MAP9: variants seen among roughly 807,000 people sequenced by gnomAD.
MAP9 encodes microtubule associated protein 9.
Under a neutral mutation model 75.2 loss-of-function variants are expected in MAP9, and 80 were observed. That is an observed-to-expected ratio of 1.06 (90% CI 0.89 to 1.28). The LOEUF is 1.28. Ranked by LOEUF, MAP9 falls within the 50% of genes most tolerant of loss-of-function variation. MAP9 has a pLI of 0.00. For missense variants in MAP9, 753 were observed against 719.9 expected (o/e 1.05, Z -0.53); for synonymous variants, 235 against 237.3 (o/e 0.99, Z 0.09).
chr4:155,343,683 T>C lies in MAP9; in HGVS notation c.*4100A>G, dbSNP rs1042580977. On this transcript the variant is annotated 3_prime_UTR_variant, in exon 14 of 14. Coordinates refer to ENST00000311277, the MANE Select transcript of MAP9 (RefSeq NM_001039580.2). ...ATAAATCTTGAATGGTTGATTTTAA[T>C]ACACTAAACATTACATGAAAATATA... The C allele has an allele frequency of 3.1e-5, 4 of 129,086 alleles. No individual in the cohort carries two copies. Among genetic ancestry groups the C allele is most frequent in the Middle Eastern group, 3.7e-3 (1 of 272 alleles). The allele number at this position is 129,086 out of a possible 1,614,324, so 8.0% of individuals were successfully genotyped here.
chr4:155,363,705 T>A (rs1308911051), intron 5 of MAP9, among the ~76,000 whole-genome samples: 1 of 151,984 alleles, frequency 6.6e-6, no homozygotes, highest in South Asian at 2.1e-4. Flanking sequence ...TGCTGGGCCA[T>A]TAAAACAAAA....
intron 3 of MAP9, among the ~76,000 whole-genome samples, chr4:155,374,527 CA>C (rs1428773789): frequency 1.3e-5 from 2 of 152,100 alleles, no homozygotes; most frequent in Admixed American, 6.5e-5. Context: ...TGATTTATAG[CA>C]AGCTTTATAA....
chr4:155,352,412 C>A, intron 13 of MAP9, 184 bp downstream of exon 13: 2 of 528,492 alleles, frequency 3.8e-6, no homozygotes, highest in Non-Finnish European at 6.5e-6. Context: ...ATAGTAGAAA[C>A]ATTAATAGAA....
intron 5 of MAP9, among the ~76,000 whole-genome samples, chr4:155,366,930 T>C (rs1413015285): frequency 3.9e-5 from 6 of 152,164 alleles, no homozygotes; most frequent in African/African-American, 2.4e-5. Flanking sequence ...CCCAACTCAT[T>C]TGATACCCAA....
chr4:155,352,531 T>A, intron 13 of MAP9, 65 bp downstream of exon 13: 1 of 1,499,928 alleles, frequency 6.7e-7, no homozygotes. Context: ...GAATTAGAAT[T>A]AGGGACAGAA....
Position 155,368,825 on chromosome 4 carries a change from A to C in MAP9, c.482-13T>G. 1.3e-6 allele frequency: 2 copies of C among 1,591,478 alleles called. No homozygotes were observed. The highest frequency in any genetic ancestry group is 1.7e-6 in the Non-Finnish European group (2 of 1,168,016). On this transcript the variant is annotated splice_polypyrimidine_tract_variant and intron_variant, in intron 4 of 13. Transcript: ENST00000311277. ...CTGTTGTTTTCTGCTGAAAAATAAA[A>C]TGCTTAAAGTGTGTGTATAAAAAAA...
At chr4:155,350,178 G>A in intron 13 of MAP9, 3 of 434,418 alleles carry the variant, frequency 6.9e-6, no homozygotes, top group South Asian at 5.0e-5. Context: ...AGCTTGAGAT[G>A]TTGTTTTCCA....
At position 155,352,633 on chromosome 4, in the gene MAP9, TTATC is replaced by T. The variant is rs1731566404; in HGVS notation, c.1780_1783del (p.Asp594LysfsTer81). On this transcript the variant is annotated frameshift_variant, in exon 13 of 14. Transcript: ENST00000311277. LOFTEE classifies it high-confidence loss of function. ...ATATTCATTAATAGCTTGTTTATCT[TTATC>T]TTTTTTCTCAGCTCTTTTCAGTTCT... The T allele has an allele frequency of 2.6e-6, 4 of 1,555,564 alleles. No individual in the cohort carries two copies. The highest frequency in any genetic ancestry group is 1.4e-5 in the African/African-American group (1 of 72,290).
chr4:155,360,221 G>A lies in MAP9; in HGVS notation c.997C>T (p.Leu333=), dbSNP rs187721258. 12 of 1,612,450 alleles carry A rather than the reference G, an allele frequency of 7.4e-6. No homozygotes were observed. The highest frequency in any genetic ancestry group is 9.3e-6 in the Non-Finnish European group (11 of 1,178,794). ...ATTAAGATACTCTGAGATTTAGATAGTAGTGGATCAACTGTTCTGTCATCA... is the reference window on the plus strand; with the variant it reads ...ATTAAGATACTCTGAGATTTAGATAATAGTGGATCAACTGTTCTGTCATCA... ...MDDDRTVDPL[L]SKSQSILIST... The change falls in exon 7 of 14, where the codon CTA becomes TTA. Residue 333 remains leucine (L), a synonymous_variant. Coordinates refer to ENST00000311277, the MANE Select transcript of MAP9 (RefSeq NM_001039580.2).
intron 3 of MAP9, 115 bp from the exon 4 acceptor site, chr4:155,373,571 G>A: frequency 1.6e-6 from 1 of 615,900 alleles, no homozygotes; most frequent in East Asian, 3.0e-5. Context: ...ACAATGAATA[G>A]GCACAAATGT....
rs904177174 is a variant in MAP9 at position 155,353,284 on chromosome 4, C to T, written c.1437G>A (p.Met479Ile). The change falls in exon 11 of 14, where the codon ATG becomes ATA. Residue 479 changes from methionine to isoleucine, a missense_variant. Physicochemically the swap from Met to Ile is conservative, Grantham distance 10 (BLOSUM62 1). Transcript: ENST00000311277. ...CTATTTTCTTTGCTTCCTTTTCTTT[C>T]ATAGCCTTCCAGGCCTCAAATGATG... is the stretch of plus-strand genomic sequence containing the variant. The part of the protein sequence containing the change: ...ALASFEAWKA[M>I]KEKEAKKIAA... 2.5e-6 allele frequency: 4 copies of T among 1,607,770 alleles called. No homozygotes were observed. The highest frequency in any genetic ancestry group is 3.4e-6 in the Non-Finnish European group (4 of 1,178,062).
intron 4 of MAP9, among the ~76,000 whole-genome samples, chr4:155,371,714 A>C (rs1578861716): frequency 6.7e-6 from 1 of 149,610 alleles, no homozygotes; most frequent in Non-Finnish European, 1.5e-5. Context: ...AACCCACCAC[A>C]GGTTTTTTTT....
intron 5 of MAP9, among the ~76,000 whole-genome samples, chr4:155,366,863 C>A (rs189025327): frequency 1.3e-5 from 2 of 152,232 alleles, no homozygotes; most frequent in South Asian, 2.1e-4. Flanking sequence ...ACTGGTGAAT[C>A]CTCTCATTTA....
At chr4:155,356,103 C>A (rs764969493) in intron 8 of MAP9, among the ~76,000 whole-genome samples, 1 of 151,966 alleles carries the variant, frequency 6.6e-6, no homozygotes, top group Non-Finnish European at 1.5e-5. Flanking sequence ...CCTGTCTCTA[C>A]CAAAAATACA....
At chr4:155,376,092 A>C (rs1320889174) in intron 1 of MAP9, among the ~76,000 whole-genome samples, 178 bp from the exon 2 acceptor site, 1 of 152,252 alleles carries the variant, frequency 6.6e-6, no homozygotes, top group African/African-American at 2.4e-5. Context: ...TTGTTTAAAA[A>C]AATTCAAATG....
chr4:155,355,929 T>C, intron 8 of MAP9, 45 bp from the exon 9 acceptor site: 1 of 1,517,414 alleles, frequency 6.6e-7, no homozygotes, highest in Non-Finnish European at 9.1e-7. Context: ...ACAATTGCAT[T>C]TGGTAGAAGA....
chr4:155,352,313 A>T (rs1731546841), intron 13 of MAP9: 2 of 278,058 alleles, frequency 7.2e-6, no homozygotes, highest in African/African-American at 2.3e-5. Context: ...ACAGCAAAGG[A>T]AGAATGGGCA....
chr4:155,350,479 C>T (rs1439628411), intron 13 of MAP9, among the ~76,000 whole-genome samples: 1 of 151,960 alleles, frequency 6.6e-6, no homozygotes, highest in African/African-American at 2.4e-5. Context: ...AATTCTATTC[C>T]ATTTTCATGA....
In MAP9 at chr4:155,347,752, A is replaced by G. The variant is rs745932962; in HGVS notation, c.*31T>C. The stretch of plus-strand genomic sequence containing the variant: ...CTATGGCTAATATTGGCAAACCGAT[A>G]AATAACCAAATAATGTAAGAACTAG... On this transcript the variant is annotated 3_prime_UTR_variant, in exon 14 of 14. Transcript: ENST00000311277. The G allele has an allele frequency of 5.8e-6, 9 of 1,563,898 alleles. No individual in the cohort carries two copies. The Admixed American group carries it at 1.6e-4, about 27-fold the overall frequency.
Sources: allele counts gnomAD v4.1 joint callset (sites outside exome capture counted in the v4.1 genomes callset), GRCh38; gene constraint gnomAD v4.1.1; transcripts MANE v1.5; gene names NCBI Gene and HGNC (gene_info 2026-07-23, HGNC 2026-07-21).